GOLPH3L: variants seen among roughly 807,000 people sequenced by gnomAD.
GOLPH3L encodes the protein Golgi phosphoprotein 3-like.
In GOLPH3L, 22 loss-of-function variants were observed where a neutral mutation model predicts 30.3. The observed-to-expected ratio is 0.73, with a 90% CI of 0.52 to 1.04. GOLPH3L has a LOEUF of 1.04. GOLPH3L is among the 50% of genes least tolerant of loss of function. GOLPH3L has a pLI of 0.00. For synonymous variants in GOLPH3L, 120 were observed against 128.2 expected (o/e 0.94, Z 0.43); for missense variants, 303 against 345.8 (o/e 0.88, Z 0.98).
chr1:150,665,587 C>G (rs919275075), intron 2 of GOLPH3L, among the ~76,000 whole-genome samples: 5 of 151,978 alleles, frequency 3.3e-5, no homozygotes, highest in African/African-American at 1.2e-4. Flanking sequence ...TTTTAACATG[C>G]ATGATACATT....
intron 2 of GOLPH3L, among the ~76,000 whole-genome samples, chr1:150,676,920 C>T (rs943190721): frequency 7.2e-5 from 11 of 152,050 alleles, no homozygotes; most frequent in African/African-American, 2.4e-4. Context: ...GCTGGGATTA[C>T]AGGCGTGAGC....
At chr1:150,694,040 G>C (rs988043726) in intron 2 of GOLPH3L, 9 of 315,962 alleles carry the variant, frequency 2.8e-5, no homozygotes, top group Non-Finnish European at 5.8e-5. Context: ...TTTATTTTTA[G>C]TAGAGACGGG....
At chr1:150,687,407 G>A (rs929172745) in intron 2 of GOLPH3L, among the ~76,000 whole-genome samples, 3 of 151,848 alleles carry the variant, frequency 2.0e-5, no homozygotes, top group South Asian at 2.1e-4. Context: ...GTAAAACCCC[G>A]TTTCTACTAA....
At chr1:150,693,786 A>G (rs1471596583) in intron 2 of GOLPH3L, among the ~76,000 whole-genome samples, 6 of 103,098 alleles carry the variant, frequency 5.8e-5, no homozygotes, top group African/African-American at 2.4e-4. Context: ...ATAATCCTCA[A>G]TTGTTTATGT....
chr1:150,668,383 T>C (rs941196551), intron 2 of GOLPH3L, among the ~76,000 whole-genome samples: 2 of 152,036 alleles, frequency 1.3e-5, no homozygotes, highest in Non-Finnish European at 2.9e-5. Context: ...TTTGTTTTTT[T>C]GGTTTTGTTT....
chr1:150,661,760 G>T, intron 4 of GOLPH3L, 54 bp downstream of exon 4: 1 of 837,720 alleles, frequency 1.2e-6, no homozygotes. Context: ...AAATTTCAGG[G>T]TAGGATAAAG....
intron 2 of GOLPH3L, among the ~76,000 whole-genome samples, chr1:150,673,799 C>T (rs891660287): frequency 1.3e-5 from 2 of 150,868 alleles, no homozygotes; most frequent in Non-Finnish European, 3.0e-5. Flanking sequence ...CCGGGTGCGT[C>T]TGTGGGTCCC....
At chr1:150,656,444 G>C (rs931362959) in intron 4 of GOLPH3L, among the ~76,000 whole-genome samples, 1 of 152,112 alleles carries the variant, frequency 6.6e-6, no homozygotes, top group African/African-American at 2.4e-5. Flanking sequence ...AGTCTCACTA[G>C]CCCTCGGCAA....
chr1:150,664,782 T>C (rs915356034), intron 2 of GOLPH3L, among the ~76,000 whole-genome samples: 6 of 152,114 alleles, frequency 3.9e-5, no homozygotes, highest in Non-Finnish European at 7.4e-5. Context: ...GGAGGTATAA[T>C]AGAAACCCAC....
chr1:150,682,634 A>C, intron 2 of GOLPH3L, among the ~76,000 whole-genome samples: 1 of 148,718 alleles, frequency 6.7e-6, no homozygotes. Flanking sequence ...AAAAAAAAAA[A>C]AAAAAAAAAA....
At chr1:150,656,126 G>A (rs1330806396) in intron 4 of GOLPH3L, among the ~76,000 whole-genome samples, 1 of 152,194 alleles carries the variant, frequency 6.6e-6, no homozygotes, top group African/African-American at 2.4e-5. Context: ...CTATATGGAT[G>A]ATGTATTTGT....
intron 2 of GOLPH3L, among the ~76,000 whole-genome samples, chr1:150,681,137 CA>C (rs1428310344): frequency 6.6e-6 from 1 of 151,738 alleles, no homozygotes; most frequent in African/African-American, 2.4e-5. Flanking sequence ...AACTCCGCCT[CA>C]AAAAAATAAG....
At chr1:150,669,173 C>T (rs1650582695) in intron 2 of GOLPH3L, among the ~76,000 whole-genome samples, 1 of 151,846 alleles carries the variant, frequency 6.6e-6, no homozygotes, top group African/African-American at 2.4e-5. Context: ...ATAAAACAAA[C>T]ACCTGTATAA....
chr1:150,691,377 A>C (rs923553863), intron 2 of GOLPH3L, among the ~76,000 whole-genome samples: 1 of 152,012 alleles, frequency 6.6e-6, no homozygotes, highest in Non-Finnish European at 1.5e-5. Context: ...TTAGCCAGGC[A>C]TGGTGGCGGG....
At position 150,667,595 on chromosome 1, in the gene GOLPH3L, C is replaced by CT. The variant is rs200372559; in HGVS notation, c.184-3833dup. On this transcript the variant is annotated intron_variant, in intron 2 of 4. Transcript: ENST00000271732. ...ACTAGTCTTTTCTTTTTTTTTCTTT[C>CT]TTTTTTTTTTTTTTTTGAGACGGAG... Among the ~76,000 whole-genome samples, 240 of 134,412 alleles carry CT rather than the reference C, an allele frequency of 1.8e-3. 1 individual carries two copies. The highest frequency in any genetic ancestry group is 2.7e-3 in the East Asian group (13 of 4,752). The allele number at this position is 134,412 out of a possible 152,430, so 88.2% of individuals were successfully genotyped here. A position where few individuals can be genotyped will look rare whatever the true frequency, so the allele number is the denominator to read the frequency against.
chr1:150,664,704 A>G (rs1377718615), intron 2 of GOLPH3L, among the ~76,000 whole-genome samples: 1 of 152,134 alleles, frequency 6.6e-6, no homozygotes, highest in Non-Finnish European at 1.5e-5. Flanking sequence ...CACCAGCCTC[A>G]GTCTCCCAAA....
Position 150,676,729 on chromosome 1 carries a change from C to T in GOLPH3L, c.184-12966G>A, listed in dbSNP as rs377647231. On this transcript the variant is annotated intron_variant, in intron 2 of 4. Transcript: ENST00000271732. ...CTCGATCTTGGCTCACTGCAACCTC[C>T]GCCTCCCGGGTTCAAGCAATTCTCC... Among the ~76,000 whole-genome samples the T allele has an allele frequency of 1.5e-4, 22 of 149,334 alleles. 1 individual carries two copies. In the South Asian group the frequency reaches 3.8e-3, roughly 26 times the overall value.
At chr1:150,683,531 CAA>C (rs35646727) in intron 2 of GOLPH3L, among the ~76,000 whole-genome samples, 1 of 55,598 alleles carries the variant, frequency 1.8e-5, no homozygotes. Context: ...GACTCTGTCT[CAA>C]AAAAAAAAAA....
intron 2 of GOLPH3L, among the ~76,000 whole-genome samples, chr1:150,684,140 C>T (rs1451852782): frequency 6.6e-6 from 1 of 152,148 alleles, no homozygotes; most frequent in Non-Finnish European, 1.5e-5. Flanking sequence ...GTCTGCAGGG[C>T]AAGGTGAGAA....
Sources: gnomAD v4.1 joint callset for allele counts (sites outside exome capture counted in the v4.1 genomes callset) on GRCh38, gnomAD v4.1.1 for gene constraint, MANE v1.5 for transcripts, NCBI Gene and HGNC (gene_info 2026-07-23, HGNC 2026-07-21) for gene names.